The following UNC13B variants were observed in gnomAD, a reference collection of about 807,000 sequenced individuals.
UNC13B encodes the protein protein unc-13 homolog B.
In UNC13B, 144 loss-of-function variants were observed where a neutral mutation model predicts 211.0. The observed-to-expected ratio is 0.68, with a 90% CI of 0.60 to 0.78. The LOEUF (loss-of-function observed/expected upper bound fraction) is 0.78, where lower values mean the gene tolerates loss of function less well. UNC13B is among the 30% of genes least tolerant of loss of function. UNC13B has a pLI of 0.00. For missense variants in UNC13B, 1,777 were observed against 2,002.0 expected (o/e 0.89, Z 2.14); for synonymous variants, 709 against 725.8 (o/e 0.98, Z 0.37).
chr9:35,208,832 T>C (rs1000422807), intron 1 of UNC13B, among the ~76,000 whole-genome samples: 3 of 152,170 alleles, frequency 2.0e-5, no homozygotes, highest in Non-Finnish European at 2.9e-5. Flanking sequence ...ATCGAAACCA[T>C]ATCACTCTGA....
intron 1 of UNC13B, among the ~76,000 whole-genome samples, chr9:35,204,341 G>GC (rs1387321116): frequency 3.3e-5 from 5 of 152,120 alleles, no homozygotes; most frequent in East Asian, 3.9e-4. Flanking sequence ...TGGGGTGGGA[G>GC]CCCCCCCACA....
chr9:35,166,359 T>G (rs780674082), intron 1 of UNC13B, among the ~76,000 whole-genome samples: 6 of 151,952 alleles, frequency 3.9e-5, no homozygotes, highest in Non-Finnish European at 8.8e-5. Flanking sequence ...CCAGCTTGGG[T>G]GACGAAGTGA....
At chr9:35,399,610 G>A (rs772210341) in intron 35 of UNC13B, 39 bp from the exon 36 acceptor site, 1 of 1,611,632 alleles carries the variant, frequency 6.2e-7, no homozygotes, top group Non-Finnish European at 8.5e-7. Context: ...TTTCATGACT[G>A]CTGTGAGCTG....
At chr9:35,341,645 A>T (rs1689848301) in intron 11 of UNC13B, among the ~76,000 whole-genome samples, 1 of 152,112 alleles carries the variant, frequency 6.6e-6, no homozygotes. Context: ...CAGGGAGGAG[A>T]AGAACGAGGG....
intron 8 of UNC13B, among the ~76,000 whole-genome samples, chr9:35,296,745 C>T: frequency 6.6e-6 from 1 of 152,178 alleles, no homozygotes; most frequent in Non-Finnish European, 1.5e-5. Flanking sequence ...TATTCATATA[C>T]ACATACATTT....
intron 11 of UNC13B, chr9:35,361,089 C>T (rs945216928): frequency 6.6e-6 from 1 of 152,114 alleles, no homozygotes; most frequent in Admixed American, 6.5e-5. Flanking sequence ...ATAAGTTGAA[C>T]GTCTCAAGTC....
chr9:35,366,361 T>C (rs1833771511), intron 11 of UNC13B, among the ~76,000 whole-genome samples: 1 of 152,232 alleles, frequency 6.6e-6, no homozygotes, highest in Non-Finnish European at 1.5e-5. Context: ...TTCACTAGAA[T>C]GATAATCCAA....
intron 6 of UNC13B, among the ~76,000 whole-genome samples, chr9:35,257,965 C>A (rs928727336): frequency 4.6e-5 from 7 of 152,184 alleles, no homozygotes; most frequent in Non-Finnish European, 1.0e-4. Context: ...ATAATTCTCT[C>A]ATGCTTAAAA....
rs1821534193 is a variant in UNC13B, at chr9:35,174,855, G to A, written c.22+12550G>A. Reference sequence around the variant, plus strand: ...CCTGCCTCAGCCTCCCAAAGTGCTGGGATTACAGGCATGAGCCACCGCGCC... The same window carrying A: ...CCTGCCTCAGCCTCCCAAAGTGCTGAGATTACAGGCATGAGCCACCGCGCC... On this transcript the variant is annotated intron_variant, in intron 1 of 39. Coordinates refer to ENST00000635942, the MANE Select transcript of UNC13B (RefSeq NM_001371189.2). 2.0e-5 allele frequency among the ~76,000 whole-genome samples: 3 copies of A among 151,404 alleles called. No individual in the cohort carries two copies. The South Asian group carries it at 6.2e-4, about 32-fold the overall frequency.
Position 35,381,204 on chromosome 9 carries a change from T to C in UNC13B, c.10480T>C (p.Cys3494Arg), listed in dbSNP as rs764120863. ...AGCCCCATACCACGTGCAGTATACA[T>C]GTCTCCATGAGGTGAGCCAGCCCTT... ...KVAPYHVQYTCLHENLFHYLT... is the reference protein window; with the variant it reads ...KVAPYHVQYTRLHENLFHYLT... The change falls in exon 19 of 40, where the codon TGT (cysteine) becomes CGT (arginine). Residue 3494 changes from cysteine to arginine, a missense_variant. Coordinates refer to ENST00000635942, the MANE Select transcript of UNC13B (RefSeq NM_001371189.2). 2 of 1,613,738 alleles carry C rather than the reference T, an allele frequency of 1.2e-6. No individual in the cohort carries two copies. The highest frequency in any genetic ancestry group is 1.1e-5 in the South Asian group (1 of 90,954).
intron 12 of UNC13B, among the ~76,000 whole-genome samples, chr9:35,369,563 T>A (rs2132177494): frequency 6.6e-6 from 1 of 152,360 alleles, no homozygotes; most frequent in Middle Eastern, 3.4e-3. Context: ...TGTAAAAGTT[T>A]TAGAAATGTC....
chr9:35,336,164 T>A (rs571744111), intron 11 of UNC13B, among the ~76,000 whole-genome samples: 8 of 152,226 alleles, frequency 5.3e-5, no homozygotes, highest in South Asian at 2.1e-4. Flanking sequence ...ACCTCAGTCC[T>A]CTTTCATGAG....
In UNC13B at chr9:35,390,683, G is replaced by A; in HGVS notation, c.11277G>A (p.Leu3759=). 1 of 1,614,148 alleles carries A rather than the reference G, an allele frequency of 6.2e-7. No homozygotes were observed. The highest frequency in any genetic ancestry group is 1.3e-5 in the African/African-American group (1 of 75,074). ...GKVSAEVMWH[L]FAQDMKYALE... ...TCAGCGCAGAAGTGATGTGGCATTT[G>A]TTTGCCCAAGACATGAAATATGCAT... The change falls in exon 26 of 40, where the codon TTG becomes TTA. Residue 3759 remains leucine, a synonymous_variant. Transcript: ENST00000635942.
intron 7 of UNC13B, among the ~76,000 whole-genome samples, chr9:35,276,683 T>C (rs1011350322): frequency 6.6e-6 from 1 of 152,194 alleles, no homozygotes; most frequent in Admixed American, 6.5e-5. Flanking sequence ...AAATGTGTAA[T>C]ATAGAAAGTG....
intron 3 of UNC13B, 74 bp from the exon 4 acceptor site, chr9:35,236,395 T>C: frequency 8.1e-7 from 1 of 1,241,284 alleles, no homozygotes; most frequent in Middle Eastern, 1.9e-4. Flanking sequence ...ATTCAAAGTT[T>C]AGCAAAACAG....
Position 35,381,225 on chromosome 9 carries a change from C to T in UNC13B, c.10491+10C>T, listed in dbSNP as rs765469746. ...TACATGTCTCCATGAGGTGAGCCAG[C>T]CCTTGGTAGGTGGGGGATCAGAAAG... On this transcript the variant is annotated intron_variant, in intron 19 of 39. Coordinates refer to ENST00000635942, the MANE Select transcript of UNC13B (RefSeq NM_001371189.2). The T allele has an allele frequency of 6.2e-7, 1 of 1,608,376 alleles. No individual in the cohort carries two copies. The highest frequency in any genetic ancestry group is 8.5e-7 in the Non-Finnish European group (1 of 1,176,270).
chr9:35,230,914 A>G (rs1825163629), intron 2 of UNC13B, among the ~76,000 whole-genome samples: 1 of 152,214 alleles, frequency 6.6e-6, no homozygotes, highest in Non-Finnish European at 1.5e-5. Context: ...ATAGTATTTT[A>G]GATTATGCTC....
chr9:35,391,157 GAC>G (rs1835507657), intron 26 of UNC13B, among the ~76,000 whole-genome samples: 1 of 152,172 alleles, frequency 6.6e-6, no homozygotes, highest in African/African-American at 2.4e-5. Context: ...GGATTAGTAT[GAC>G]AATGCCAGGA....
At chr9:35,198,316 A>G (rs1008129103) in intron 1 of UNC13B, among the ~76,000 whole-genome samples, 11 of 152,066 alleles carry the variant, frequency 7.2e-5, no homozygotes, top group Admixed American at 2.0e-4. Context: ...GGTGTGTGGT[A>G]TCTTCTCCCT....
Sources: gnomAD v4.1 joint callset for allele counts (sites outside exome capture counted in the v4.1 genomes callset) on GRCh38, gnomAD v4.1.1 for gene constraint, MANE v1.5 for transcripts, NCBI Gene and HGNC (gene_info 2026-07-23, HGNC 2026-07-21) for gene names.